Variants in AP2A2 observed in about 807,000 individuals in gnomAD.
The protein encoded by AP2A2 is adaptor related protein complex 2 subunit alpha 2, also known as AP-2 complex subunit alpha-2.
In AP2A2, 32 loss-of-function variants were observed where a neutral mutation model predicts 104.2. That is an observed-to-expected ratio of 0.31 (90% CI 0.23 to 0.41). The LOEUF is 0.41. Among genes scored for constraint, AP2A2 ranks in the 10% least tolerant of loss-of-function variants. The pLI, the probability that AP2A2 is intolerant of heterozygous loss-of-function variation, is 1.00. For missense variants in AP2A2, 912 were observed against 1,261.0 expected (o/e 0.72, Z 4.19); for synonymous variants, 539 against 533.3 (o/e 1.01, Z -0.15).
intron 1 of AP2A2, chr11:932,639 A>T (rs899853391): frequency 5.1e-5 from 23 of 453,282 alleles, no homozygotes; most frequent in Non-Finnish European, 9.7e-5. Flanking sequence ...AAACCAGTTT[A>T]GGAAATGTGT....
At chr11:985,892 G>C (rs901977303) in intron 8 of AP2A2, among the ~76,000 whole-genome samples, 3 of 152,226 alleles carry the variant, frequency 2.0e-5, no homozygotes, top group East Asian at 3.8e-4. Context: ...CGGGTGGGGT[G>C]GGGGGTGTGC....
chr11:936,760 T>A (rs753420134), intron 1 of AP2A2, among the ~76,000 whole-genome samples: 1 of 152,170 alleles, frequency 6.6e-6, no homozygotes, highest in Non-Finnish European at 1.5e-5. Context: ...TTTCTTTTAA[T>A]ATTCTTGAGC....
chr11:951,221 T>C (rs1323366430), intron 1 of AP2A2, among the ~76,000 whole-genome samples: 1 of 152,068 alleles, frequency 6.6e-6, no homozygotes, highest in Non-Finnish European at 1.5e-5. Context: ...TGCATCACAC[T>C]TACCCAGATG....
chr11:1,006,827 A>G, intron 17 of AP2A2: 1 of 563,162 alleles, frequency 1.8e-6, no homozygotes, highest in Non-Finnish European at 3.1e-6. Flanking sequence ...CCAGCTTTTG[A>G]TCATGCACCT....
At chr11:935,930 C>T (rs1164687021) in intron 1 of AP2A2, among the ~76,000 whole-genome samples, 6 of 144,286 alleles carry the variant, frequency 4.2e-5, no homozygotes, top group Non-Finnish European at 7.5e-5. Flanking sequence ...CAGGCGGAGT[C>T]TTGCTCTGTC....
chr11:991,161 G>C (rs1457526444), intron 10 of AP2A2, among the ~76,000 whole-genome samples: 1 of 152,152 alleles, frequency 6.6e-6, no homozygotes, highest in Non-Finnish European at 1.5e-5. Context: ...CCTTTCAGCC[G>C]GGCATGGTGT....
At chr11:951,432 CAGG>C (rs1854050942) in intron 1 of AP2A2, among the ~76,000 whole-genome samples, 1 of 151,814 alleles carries the variant, frequency 6.6e-6, no homozygotes, top group African/African-American at 2.4e-5. Context: ...GAGGCTGAGG[CAGG>C]AGAATTGCTT....
At chr11:963,547 C>CT (rs1854510835) in intron 2 of AP2A2, among the ~76,000 whole-genome samples, 1 of 152,220 alleles carries the variant, frequency 6.6e-6, no homozygotes, top group Non-Finnish European at 1.5e-5. Flanking sequence ...CACTTGCTCA[C>CT]TGACCGCATG....
intron 15 of AP2A2, among the ~76,000 whole-genome samples, chr11:1,003,507 C>A (rs1301884293): frequency 6.6e-6 from 1 of 152,276 alleles, no homozygotes; most frequent in Admixed American, 6.5e-5. Flanking sequence ...ACAGGTCTTG[C>A]CGGGGCTGTG....
chr11:990,368 G>A (rs796277688), intron 10 of AP2A2, among the ~76,000 whole-genome samples: 12 of 152,360 alleles, frequency 7.9e-5, no homozygotes, highest in African/African-American at 2.9e-4. Flanking sequence ...GGCTGGGGCA[G>A]TGTGGCCTGG....
intron 1 of AP2A2, among the ~76,000 whole-genome samples, chr11:949,608 C>G (rs896151236): frequency 3.9e-5 from 6 of 152,004 alleles, no homozygotes; most frequent in African/African-American, 1.4e-4. Flanking sequence ...AACCCCATCT[C>G]TACTAAAAAT....
chr11:940,928 T>C (rs940189624), intron 1 of AP2A2: 1 of 456,110 alleles, frequency 2.2e-6, no homozygotes, highest in Non-Finnish European at 4.4e-6. Flanking sequence ...CCGGCTGCCA[T>C]CATTCTGGGA....
intron 1 of AP2A2, among the ~76,000 whole-genome samples, chr11:958,311 T>G (rs1854304697): frequency 6.6e-6 from 1 of 152,210 alleles, no homozygotes. Context: ...CCTGCAGGCC[T>G]GTGAGAAGAT....
intron 4 of AP2A2, among the ~76,000 whole-genome samples, chr11:972,877 C>T (rs1039527516): frequency 1.3e-5 from 2 of 152,278 alleles, no homozygotes; most frequent in Non-Finnish European, 2.9e-5. Flanking sequence ...TCCTCGTGCC[C>T]GTTCCCCAGG....
intron 2 of AP2A2, among the ~76,000 whole-genome samples, chr11:960,636 C>G (rs1854400877): frequency 6.6e-6 from 1 of 152,148 alleles, no homozygotes; most frequent in African/African-American, 2.4e-5. Flanking sequence ...CCTCAGCCTC[C>G]CAACATGCTG....
intron 15 of AP2A2, among the ~76,000 whole-genome samples, chr11:1,001,061 G>A (rs1367962678): frequency 6.6e-6 from 1 of 152,196 alleles, no homozygotes; most frequent in Non-Finnish European, 1.5e-5. Flanking sequence ...CACTTGCTAA[G>A]TCCTTCTGTG....
At chr11:986,626 C>G (rs1275524115) in intron 8 of AP2A2, among the ~76,000 whole-genome samples, 159 bp from the exon 9 acceptor site, 2 of 152,242 alleles carry the variant, frequency 1.3e-5, no homozygotes, top group Non-Finnish European at 2.9e-5. Context: ...TCATCTGCAT[C>G]TGGGGAGGCC....
chr11:992,342 TG>T lies in AP2A2; in HGVS notation c.1270-158del. 2.8e-6 allele frequency: 2 copies of T among 724,218 alleles called. No individual in the cohort carries two copies. Among genetic ancestry groups the T allele is most frequent in the South Asian group, 1.7e-5 (1 of 57,240 alleles). 44.9% of individuals were successfully genotyped at this position (724,218 alleles called of 1,614,324 possible). ...GGGCATCTTAAACTTTCTGGGCTCG[TG>T]GGCTTTTTTGAGAATCGAGTTCAAG... On this transcript the variant is annotated intron_variant, in intron 10 of 21. Transcript: ENST00000448903. This position sits in a 1 kb window ranked among gnomAD's most constrained non-coding sequence, Gnocchi z 6.4.
At chr11:959,641 T>G in intron 2 of AP2A2, 136 bp downstream of exon 2, 75 of 610,912 alleles carry the variant, frequency 1.2e-4, no homozygotes, top group Middle Eastern at 4.5e-4. Flanking sequence ...ATCAGGGCCC[T>G]GTCAGAATTA....
Sources: gnomAD v4.1 joint callset for allele counts (sites outside exome capture counted in the v4.1 genomes callset) on GRCh38, gnomAD v4.1.1 for gene constraint, Gnocchi (gnomAD v3.1) non-coding constraint, MANE v1.5 for transcripts, NCBI Gene and HGNC (gene_info 2026-07-23, HGNC 2026-07-21) for gene names.